EWSR1: variants seen among roughly 807,000 people sequenced by gnomAD.
EWSR1 encodes RNA-binding protein EWS.
EWSR1 carries 14 observed loss-of-function variants against 92.1 expected under a neutral mutation model. The observed-to-expected ratio is 0.15, with a 90% CI of 0.10 to 0.24. The LOEUF (loss-of-function observed/expected upper bound fraction) is 0.24. Among genes scored for constraint, EWSR1 ranks in the 10% least tolerant of loss-of-function variants. The probability of loss-of-function intolerance (pLI) is 1.00; values close to 1 mark genes in which losing one functional copy is unlikely to be tolerated. For missense variants in EWSR1, 637 were observed against 870.9 expected (o/e 0.73, Z 3.38); for synonymous variants, 303 against 292.9 (o/e 1.03, Z -0.35).
At chr22:29,291,915 G>T (rs1207840245) in intron 9 of EWSR1, 3 of 589,254 alleles carry the variant, frequency 5.1e-6, no homozygotes, top group Non-Finnish European at 9.0e-6. Flanking sequence ...AGTGTATTTG[G>T]TTAATGGTTT....
At chr22:29,277,932 T>C (rs131179) in intron 4 of EWSR1, 98 bp from the exon 5 acceptor site, 22,083 of 1,035,244 alleles carry the variant, frequency 0.021, 292 homozygotes, top group South Asian at 0.036. Flanking sequence ...AATATCCTGA[T>C]GGTTTAAAGT....
chr22:29,300,285 C>T lies in EWSR1; in HGVS notation c.*124C>T, dbSNP rs544683947. On this transcript the variant is annotated 3_prime_UTR_variant, in exon 17 of 17. Coordinates refer to ENST00000397938, the MANE Select transcript of EWSR1 (RefSeq NM_005243.4). The stretch of plus-strand genomic sequence containing the variant: ...ACATTATGATTATTCCTTGTCTGTA[C>T]TTTAGTATTTTTCACCATTTGTGAA... 40 of 942,038 alleles carry T rather than the reference C, an allele frequency of 4.2e-5. 1 individual carries two copies. The South Asian group carries it at 6.4e-4, about 15-fold the overall frequency. 58.4% of individuals were successfully genotyped at this position (942,038 alleles called of 1,614,324 possible).
intron 7 of EWSR1, among the ~76,000 whole-genome samples, chr22:29,288,289 A>T (rs1277213738): frequency 2.0e-5 from 3 of 152,254 alleles, no homozygotes; most frequent in African/African-American, 7.2e-5. Flanking sequence ...AGTTTAGCTC[A>T]AAAGAAGCTG....
Position 29,293,816 on chromosome 22 carries a change from G to A in EWSR1, c.1164+1210G>A, listed in dbSNP as rs191224360. Among the ~76,000 whole-genome samples, 39 of 151,696 alleles carry A rather than the reference G, an allele frequency of 2.6e-4. No individual in the cohort carries two copies. The East Asian group carries it at 4.9e-3, about 19-fold the overall frequency. On this transcript the variant is annotated intron_variant, in intron 11 of 16. Transcript: ENST00000397938. Reference sequence around the variant, plus strand: ...AACTCCTGACCTCAGGTGATCTGCCGCCTCAACTCCCAAAGTTTTGTGATT... The same window carrying A: ...AACTCCTGACCTCAGGTGATCTGCCACCTCAACTCCCAAAGTTTTGTGATT...
At chr22:29,268,891 C>T (rs922412800) in intron 1 of EWSR1, among the ~76,000 whole-genome samples, 4 of 152,354 alleles carry the variant, frequency 2.6e-5, no homozygotes, top group Non-Finnish European at 5.9e-5. Flanking sequence ...AAGACCCAGT[C>T]GGCTGGGGCG....
chr22:29,282,748 C>T (rs2059703628), intron 6 of EWSR1, among the ~76,000 whole-genome samples, 191 bp downstream of exon 6: 2 of 151,706 alleles, frequency 1.3e-5, no homozygotes, highest in African/African-American at 4.8e-5. Context: ...CAGCTAATAA[C>T]TATTCTTTTT....
chr22:29,291,145 G>T (rs1360549572), intron 8 of EWSR1: 3 of 244,352 alleles, frequency 1.2e-5, no homozygotes, highest in Admixed American at 5.5e-5. Flanking sequence ...GCCTCATTTG[G>T]CTCTCCCTTG....
At chr22:29,298,114 G>A (rs1012828638) in intron 13 of EWSR1, among the ~76,000 whole-genome samples, 165 bp downstream of exon 13, 3 of 152,222 alleles carry the variant, frequency 2.0e-5, no homozygotes, top group African/African-American at 7.2e-5. Flanking sequence ...AGGAAGAGAA[G>A]AACATGGGAG....
At chr22:29,291,701 G>T (rs879642371) in intron 9 of EWSR1, 102 bp downstream of exon 9, 2 of 1,159,864 alleles carry the variant, frequency 1.7e-6, no homozygotes, top group East Asian at 2.6e-5. Context: ...GTTTAAAAAT[G>T]ATCTATACAA....
At chr22:29,297,541 A>G (rs60950377) in intron 12 of EWSR1, among the ~76,000 whole-genome samples, 1 of 152,286 alleles carries the variant, frequency 6.6e-6, no homozygotes, top group African/African-American at 2.4e-5. Flanking sequence ...ACAATTTTGT[A>G]AAATTAGTCG....
At position 29,300,315 on chromosome 22, in the gene EWSR1, C is replaced by G. The variant is rs557978659; in HGVS notation, c.*154C>G. On this transcript the variant is annotated 3_prime_UTR_variant, in exon 17 of 17. Transcript: ENST00000397938. ...GTATTTTTCACCATTTGTGAAGAAACATTAAAACAAGTTAAATGGTAGTGT... is the reference window on the plus strand; with the variant it reads ...GTATTTTTCACCATTTGTGAAGAAAGATTAAAACAAGTTAAATGGTAGTGT... 124 of 751,766 alleles carry G rather than the reference C, an allele frequency of 1.6e-4. No individual in the cohort carries two copies. The African/African-American group carries it at 2.1e-3, about 13-fold the overall frequency. 46.6% of individuals were successfully genotyped at this position (751,766 alleles called of 1,614,324 possible). A position where few individuals can be genotyped will look rare whatever the true frequency, so the allele number is the denominator to read the frequency against.
At chr22:29,299,415 G>A in intron 15 of EWSR1, 84 bp downstream of exon 15, 1 of 1,538,320 alleles carries the variant, frequency 6.5e-7, no homozygotes, top group East Asian at 2.3e-5. Context: ...AACTGCAGTT[G>A]CCCTCTGCTT....
At chr22:29,272,880 T>G (rs922178196) in intron 3 of EWSR1, among the ~76,000 whole-genome samples, 1 of 152,200 alleles carries the variant, frequency 6.6e-6, no homozygotes, top group African/African-American at 2.4e-5. Context: ...GCTGCTGAGC[T>G]CTTTCCAGTG....
intron 1 of EWSR1, among the ~76,000 whole-genome samples, chr22:29,271,396 T>G (rs531839519): frequency 3.3e-5 from 5 of 152,370 alleles, no homozygotes; most frequent in African/African-American, 1.2e-4. Context: ...GGATGCATGT[T>G]ATAAATTTCA....
At position 29,268,288 on chromosome 22, in the gene EWSR1, A is replaced by G. The variant is rs758447329; in HGVS notation, c.-49A>G. 35 of 1,607,714 alleles carry G rather than the reference A, an allele frequency of 2.2e-5. No individual in the cohort carries two copies. Among genetic ancestry groups the G allele is most frequent in the Non-Finnish European group, 2.9e-5 (34 of 1,174,394 alleles). ...CCTGCGCAGTGCGGCGCCTAGAGGGAAAGCGAGAGGGAGACGGACGTTGAG... is the reference window on the plus strand; with the variant it reads ...CCTGCGCAGTGCGGCGCCTAGAGGGGAAGCGAGAGGGAGACGGACGTTGAG... On this transcript the variant is annotated 5_prime_UTR_variant, in exon 1 of 17. Coordinates refer to ENST00000397938, the MANE Select transcript of EWSR1 (RefSeq NM_005243.4).
intron 1 of EWSR1, 82 bp from the exon 2 acceptor site, chr22:29,272,134 C>T: frequency 1.6e-6 from 2 of 1,276,986 alleles, no homozygotes; most frequent in Non-Finnish European, 2.3e-6. Flanking sequence ...ATTCTTCCTG[C>T]CACGTGAATT....
At chr22:29,289,605 G>A (rs1022010842) in intron 8 of EWSR1, 2 of 231,776 alleles carry the variant, frequency 8.6e-6, no homozygotes, top group African/African-American at 4.4e-5. Flanking sequence ...TTCTGTGTGT[G>A]TTCTGTCCCT....
At chr22:29,272,085 T>C in intron 1 of EWSR1, 131 bp from the exon 2 acceptor site, 1 of 768,222 alleles carries the variant, frequency 1.3e-6, no homozygotes, top group South Asian at 1.6e-5. Context: ...GGGGGACTCA[T>C]TTGGACCTGT....
intron 1 of EWSR1, chr22:29,269,296 A>G (rs2058444750): frequency 6.6e-6 from 1 of 152,358 alleles, no homozygotes; most frequent in African/African-American, 2.4e-5. Flanking sequence ...TTGATTTCGT[A>G]GGTCGACAGA....
Sources: allele counts gnomAD v4.1 joint callset (sites outside exome capture counted in the v4.1 genomes callset), GRCh38; gene constraint gnomAD v4.1.1; transcripts MANE v1.5; gene names NCBI Gene and HGNC (gene_info 2026-07-23, HGNC 2026-07-21).